The following MAF variants were observed in gnomAD, a reference collection of about 807,000 sequenced individuals.
The protein encoded by MAF is transcription factor Maf.
In MAF, 10 loss-of-function variants were observed where a neutral mutation model predicts 22.0. The ratio of observed to expected loss-of-function variants is 0.45; its 90% CI spans 0.28 to 0.77. MAF has a LOEUF of 0.77. MAF is among the 30% of genes least tolerant of loss of function. MAF has a pLI of 0.12. For missense variants in MAF, 544 were observed against 548.4 expected, an observed-to-expected ratio of 0.99 and a Z score of 0.08; for synonymous variants, 337 against 255.8, an observed-to-expected ratio of 1.32 and a Z score of -3.03.
At chr16:79,569,802 C>A in the MAF span, among the ~76,000 whole-genome samples, 4 of 152,172 alleles carry the variant, frequency 2.6e-5, no homozygotes, top group Non-Finnish European at 5.9e-5. Context: ...CACAAGTGAC[C>A]AATGTTAGGA....
the MAF span, among the ~76,000 whole-genome samples, chr16:79,405,449 C>A: frequency 1.3e-5 from 2 of 152,200 alleles, no homozygotes; most frequent in Non-Finnish European, 2.9e-5. Context: ...AAGTAATTTA[C>A]CATCTGAGGT....
chr16:79,537,945 G>A, the MAF span, among the ~76,000 whole-genome samples: 7 of 152,110 alleles, frequency 4.6e-5, no homozygotes, highest in South Asian at 4.1e-4. Flanking sequence ...TCACAGACGC[G>A]TAAACTGAAT....
chr16:79,247,124 A>T, the MAF span, among the ~76,000 whole-genome samples: 1 of 152,304 alleles, frequency 6.6e-6, no homozygotes, highest in Non-Finnish European at 1.5e-5. Context: ...GGCCTCCCCG[A>T]GGTGGTGATA....
At chr16:79,393,805 C>T in the MAF span, among the ~76,000 whole-genome samples, 4 of 152,244 alleles carry the variant, frequency 2.6e-5, no homozygotes, top group South Asian at 6.2e-4. Flanking sequence ...GAGGTGTTTA[C>T]GGAGGAGCTG....
chr16:79,519,894 C>T, the MAF span, among the ~76,000 whole-genome samples: 1 of 152,250 alleles, frequency 6.6e-6, no homozygotes, highest in African/African-American at 2.4e-5. Context: ...CTTGGCCCTC[C>T]TGGCACGGCC....
At chr16:79,392,104 A>G in the MAF span, among the ~76,000 whole-genome samples, 2 of 149,040 alleles carry the variant, frequency 1.3e-5, no homozygotes, top group African/African-American at 5.0e-5. Context: ...AGAAAGAAGG[A>G]AAGAGAGAGG....
chr16:79,496,624 T>C, the MAF span, among the ~76,000 whole-genome samples: 1 of 152,206 alleles, frequency 6.6e-6, no homozygotes, highest in Non-Finnish European at 1.5e-5. Flanking sequence ...GAATTCCATA[T>C]GGATATAGTT....
chr16:79,391,944 G>A, the MAF span, among the ~76,000 whole-genome samples: 1 of 149,768 alleles, frequency 6.7e-6, no homozygotes, highest in African/African-American at 2.5e-5. Flanking sequence ...GGGGGAAGAG[G>A]AGAAGGAGGA....
chr16:79,217,556 T>A, the MAF span, among the ~76,000 whole-genome samples: 1 of 152,234 alleles, frequency 6.6e-6, no homozygotes, highest in African/African-American at 2.4e-5. Flanking sequence ...CTGTTCTGAC[T>A]GTAAGTTGGT....
chr16:79,545,713 CAG>C, the MAF span, among the ~76,000 whole-genome samples: 2 of 152,076 alleles, frequency 1.3e-5, no homozygotes, highest in South Asian at 2.1e-4. Flanking sequence ...CCCATAGAAG[CAG>C]AGAGTAGTAC....
downstream of MAF, among the ~76,000 whole-genome samples, chr16:79,583,320 A>G (rs568096907): frequency 3.9e-4 from 60 of 152,348 alleles, no homozygotes; most frequent in African/African-American, 1.4e-3. Context: ...GATTAGGTGT[A>G]ATCAGGGTAA....
At chr16:79,334,138 A>C in the MAF span, among the ~76,000 whole-genome samples, 1 of 152,256 alleles carries the variant, frequency 6.6e-6, no homozygotes, top group Non-Finnish European at 1.5e-5. Flanking sequence ...CACCAAAGAC[A>C]CATTCAAGAA....
At chr16:79,555,670 G>A in the MAF span, among the ~76,000 whole-genome samples, 4 of 152,184 alleles carry the variant, frequency 2.6e-5, no homozygotes, top group South Asian at 8.3e-4. Context: ...GCTCATTGGA[G>A]CATTTCAGAT....
At chr16:79,335,258 G>A in the MAF span, among the ~76,000 whole-genome samples, 10 of 151,624 alleles carry the variant, frequency 6.6e-5, no homozygotes, top group African/African-American at 2.2e-4. Context: ...GGGGGCTGTT[G>A]GAGAAGGGGT....
At chr16:79,420,948 C>A in the MAF span, among the ~76,000 whole-genome samples, 3 of 151,800 alleles carry the variant, frequency 2.0e-5, no homozygotes, top group Non-Finnish European at 2.9e-5. Context: ...ACAGGAGAAT[C>A]GCTGGAACCC....
the MAF span, among the ~76,000 whole-genome samples, chr16:79,373,232 A>C: frequency 2.5e-3 from 376 of 152,180 alleles, 1 homozygote; most frequent in Middle Eastern, 6.8e-3. Context: ...ATTGAAGCCT[A>C]ATCCCCAATG....
intron 1 of MAF, chr16:79,597,806 T>TTG: frequency 9.8e-7 from 1 of 1,021,984 alleles, no homozygotes; most frequent in East Asian, 6.3e-5. Context: ...CAGGCTTTTT[T>TTG]TTTTTATTAA....
In MAF at chr16:79,594,265, G is replaced by C; in HGVS notation, c.*195C>G. The C allele has an allele frequency of 1.7e-6, 1 of 588,092 alleles. No individual in the cohort carries two copies. The highest frequency in any genetic ancestry group is 3.0e-6 in the Non-Finnish European group (1 of 332,624). The allele number at this position is 588,092 out of a possible 1,614,324, so 36.4% of individuals were successfully genotyped here. ...ACCATAAATCGAAAAGCAGGAGTGC[G>C]CTTTCCTACCGGTCTCTATGAAACC... On this transcript the variant is annotated 3_prime_UTR_variant, in exon 2 of 2. Coordinates refer to ENST00000326043, the MANE Select transcript of MAF (RefSeq NM_005360.5).
At chr16:79,274,056 G>A in the MAF span, among the ~76,000 whole-genome samples, 1 of 146,916 alleles carries the variant, frequency 6.8e-6, no homozygotes, top group Middle Eastern at 3.6e-3. Context: ...CCAGGTTCAA[G>A]CAATTCTCCT....
Sources: allele counts gnomAD v4.1 joint callset (sites outside exome capture counted in the v4.1 genomes callset), GRCh38; gene constraint gnomAD v4.1.1; transcripts MANE v1.5; gene names NCBI Gene and HGNC (gene_info 2026-07-23, HGNC 2026-07-21).